RAD51B: variants seen among roughly 807,000 people sequenced by gnomAD.
RAD51B encodes the protein RAD51 paralog B.
In RAD51B, 38 loss-of-function variants were observed where a neutral mutation model predicts 42.2. The ratio of observed to expected loss-of-function variants is 0.90; its 90% confidence interval spans 0.70 to 1.18. The LOEUF (loss-of-function observed/expected upper bound fraction) is 1.18, where lower values mean the gene tolerates loss of function less well. Among genes scored for constraint, RAD51B ranks in the 50% most tolerant of loss-of-function variants. The pLI is 0.00. For synonymous variants in RAD51B, 154 were observed against 145.2 expected (o/e 1.06, Z -0.43); for missense variants, 373 against 400.7 (o/e 0.93, Z 0.59).
At chr14:68,374,269 A>G (rs1356455900) in intron 8 of RAD51B, among the ~76,000 whole-genome samples, 3 of 152,186 alleles carry the variant, frequency 2.0e-5, no homozygotes, top group Non-Finnish European at 2.9e-5. Context: ...TCAGAAAAAA[A>G]ATGATTGAAT....
At chr14:68,605,011 G>A (rs1452589052) in intron 10 of RAD51B, among the ~76,000 whole-genome samples, 13 of 152,112 alleles carry the variant, frequency 8.5e-5, no homozygotes, top group African/African-American at 2.2e-4. Context: ...CTCCTCAGAC[G>A]CCCACCGGTG....
intron 7 of RAD51B, among the ~76,000 whole-genome samples, chr14:68,196,448 C>G (rs2079375996): frequency 6.6e-6 from 1 of 151,998 alleles, no homozygotes; most frequent in Non-Finnish European, 1.5e-5. Flanking sequence ...TCTGCCTCCT[C>G]CTCACTCTTT....
chr14:68,487,390 A>G (rs911251594), intron 10 of RAD51B, among the ~76,000 whole-genome samples: 1 of 151,866 alleles, frequency 6.6e-6, no homozygotes, highest in African/African-American at 2.4e-5. Flanking sequence ...TATCCATTGT[A>G]TGTTTTTTGG....
rs1566963464 is a variant in RAD51B, at chr14:68,648,052, T to TAC, written c.1037-2729_1037-2728insAC. ...ATATATATATACACACGTATATAGA[T>TAC]GTGTGTGTGTATATATATATACACG... is the stretch of plus-strand genomic sequence containing the variant. On this transcript the variant is annotated intron_variant, in intron 10 of 11. Coordinates refer to the RAD51B transcript ENST00000488612. 2.5e-4 allele frequency among the ~76,000 whole-genome samples: 25 copies of TAC among 100,570 alleles called. 1 individual carries two copies. The highest frequency in any genetic ancestry group is 1.0e-3 in the East Asian group (2 of 1,914). The allele number at this position is 100,570 out of a possible 152,430, so 66.0% of individuals were successfully genotyped here.
At chr14:68,395,350 T>G (rs1050612325) in intron 8 of RAD51B, among the ~76,000 whole-genome samples, 2 of 152,206 alleles carry the variant, frequency 1.3e-5, no homozygotes, top group African/African-American at 4.8e-5. Context: ...CTTGCTACTT[T>G]TAAAGTTTGT....
intron 8 of RAD51B, among the ~76,000 whole-genome samples, chr14:68,408,137 A>G (rs1007999470): frequency 6.6e-6 from 1 of 152,186 alleles, no homozygotes; most frequent in Non-Finnish European, 1.5e-5. Flanking sequence ...AGGTTGATTT[A>G]GGAGGAATGG....
chr14:67,971,466 G>A (rs1396444059), intron 7 of RAD51B, among the ~76,000 whole-genome samples: 1 of 152,060 alleles, frequency 6.6e-6, no homozygotes, highest in African/African-American at 2.4e-5. Flanking sequence ...GACTTGCTTT[G>A]TATCTGTTGT....
At chr14:67,907,137 C>G (rs1034813238) in intron 7 of RAD51B, among the ~76,000 whole-genome samples, 1 of 152,008 alleles carries the variant, frequency 6.6e-6, no homozygotes, top group African/African-American at 2.4e-5. Context: ...ACTTATTAGT[C>G]TACCTAGTGG....
intron 10 of RAD51B, among the ~76,000 whole-genome samples, chr14:68,585,093 G>A (rs1456815747): frequency 1.3e-5 from 2 of 152,140 alleles, no homozygotes; most frequent in Non-Finnish European, 2.9e-5. Flanking sequence ...TACTCAAGTG[G>A]GCAAATGGGG....
intron 8 of RAD51B, among the ~76,000 whole-genome samples, chr14:68,312,929 T>C (rs944601963): frequency 2.0e-5 from 3 of 152,226 alleles, no homozygotes; most frequent in Non-Finnish European, 4.4e-5. Flanking sequence ...TTCGTTTTAC[T>C]AACCACAGAA....
At chr14:68,511,706 G>A (rs112636169) in intron 10 of RAD51B, among the ~76,000 whole-genome samples, 1 of 152,160 alleles carries the variant, frequency 6.6e-6, no homozygotes, top group Non-Finnish European at 1.5e-5. Flanking sequence ...AGAGAGTGTT[G>A]GAGCTGAGAG....
chr14:68,277,994 T>C (rs1217749861), intron 7 of RAD51B, among the ~76,000 whole-genome samples: 1 of 152,224 alleles, frequency 6.6e-6, no homozygotes, highest in East Asian at 1.9e-4. Flanking sequence ...CTGCCCGTCT[T>C]GGCCTCCCAA....
At chr14:68,070,706 T>C (rs2140464120) in intron 7 of RAD51B, among the ~76,000 whole-genome samples, 1 of 152,322 alleles carries the variant, frequency 6.6e-6, no homozygotes, top group South Asian at 2.1e-4. Flanking sequence ...TGAAGTCAGG[T>C]AGTGTGATGC....
chr14:68,099,827 A>G (rs563841870), intron 7 of RAD51B, among the ~76,000 whole-genome samples: 2 of 152,326 alleles, frequency 1.3e-5, no homozygotes, highest in Non-Finnish European at 2.9e-5. Flanking sequence ...CAATGCCTGT[A>G]TTGAGAAAGC....
At chr14:68,655,832 T>C (rs1207781396) in intron 11 of RAD51B, among the ~76,000 whole-genome samples, 2 of 152,192 alleles carry the variant, frequency 1.3e-5, no homozygotes, top group Non-Finnish European at 2.9e-5. Context: ...GGGTCTTTTC[T>C]CTCTGTTGCT....
chr14:68,460,063 G>A (rs2085804393), intron 9 of RAD51B, among the ~76,000 whole-genome samples: 4 of 152,190 alleles, frequency 2.6e-5, no homozygotes, highest in Admixed American at 2.6e-4. Context: ...ATTCATGTCT[G>A]CTTTCCTGGG....
chr14:68,664,032 A>T (rs1781889895), intron 11 of RAD51B, among the ~76,000 whole-genome samples: 2 of 152,244 alleles, frequency 1.3e-5, no homozygotes, highest in African/African-American at 2.4e-5. Context: ...ATACGCTAGC[A>T]ATAAGCTTCA....
Position 68,411,442 on chromosome 14 carries a change from G to A in RAD51B, c.872G>A (p.Cys291Tyr). 1 of 1,614,128 alleles carries A rather than the reference G, an allele frequency of 6.2e-7. No homozygotes were observed. Residue 291 changes from cysteine (C) to tyrosine (Y), a missense_variant, in exon 9 of 11, where the codon TGT (cysteine) becomes TAT (tyrosine). Cys to Tyr is a radical substitution (Grantham distance 194). Transcript: ENST00000471583. ...SLSEGTSGSS[C>Y]VIAALGNTWS... Reference sequence around the variant, plus strand: ...ATTTCAGGCACTTCTGGATCCAGCTGTGTGATAGCCGCACTAGGAAATACC... The same window carrying A: ...ATTTCAGGCACTTCTGGATCCAGCTATGTGATAGCCGCACTAGGAAATACC...
intron 7 of RAD51B, among the ~76,000 whole-genome samples, chr14:68,129,382 TTAACTAGAGAA>T (rs1307040256): frequency 1.3e-5 from 2 of 152,196 alleles, no homozygotes; most frequent in Non-Finnish European, 2.9e-5. Context: ...ACATTATTCT[TTAACTAGAGAA>T]TAATTTAGTT....
Sources: gnomAD v4.1 joint callset for allele counts (sites outside exome capture counted in the v4.1 genomes callset) on GRCh38, gnomAD v4.1.1 for gene constraint, MANE v1.5 for transcripts, NCBI Gene and HGNC (gene_info 2026-07-23, HGNC 2026-07-21) for gene names.